The following EPCIP variants were observed in gnomAD, a reference collection of about 807,000 sequenced individuals.
The protein encoded by EPCIP is exosomal polycystin 1 interacting protein, also known as exosomal polycystin-1-interacting protein.
At chr21:32,802,222 G>A in the EPCIP span, among the ~76,000 whole-genome samples, 5 of 152,206 alleles carry the variant, frequency 3.3e-5, no homozygotes, top group South Asian at 1.0e-3. Flanking sequence ...ATTTATAAAG[G>A]CCATTCACAT....
At chr21:32,795,178 G>A in the EPCIP span, among the ~76,000 whole-genome samples, 1 of 152,098 alleles carries the variant, frequency 6.6e-6, no homozygotes, top group East Asian at 1.9e-4. Context: ...ATCACCCACC[G>A]ATTAATCACA....
the EPCIP span, chr21:32,794,321 A>AAGAT: frequency 1.9e-6 from 3 of 1,614,244 alleles, no homozygotes; most frequent in Non-Finnish European, 2.5e-6. Context: ...TTCCCTTGTG[A>AAGAT]AGATGAGCGT....
At chr21:32,806,135 A>G in the EPCIP span, among the ~76,000 whole-genome samples, 1 of 152,142 alleles carries the variant, frequency 6.6e-6, no homozygotes, top group Non-Finnish European at 1.5e-5. Flanking sequence ...AGTGCTTTTA[A>G]GAATTCTGAG....
At chr21:32,802,992 G>A in the EPCIP span, among the ~76,000 whole-genome samples, 8 of 152,278 alleles carry the variant, frequency 5.3e-5, no homozygotes, top group East Asian at 7.7e-4. Context: ...TGACAGCCAC[G>A]AGAAAAACAT....
chr21:32,809,308 C>CTTTCTT, the EPCIP span, among the ~76,000 whole-genome samples: 1 of 131,960 alleles, frequency 7.6e-6, no homozygotes, highest in Admixed American at 8.2e-5. Flanking sequence ...TTCTTTCTTT[C>CTTTCTT]TTTCTTTCTT....
At chr21:32,796,001 C>CA in the EPCIP span, among the ~76,000 whole-genome samples, 1 of 31,072 alleles carries the variant, frequency 3.2e-5, no homozygotes, top group Non-Finnish European at 8.7e-5. Flanking sequence ...TCCCTCCTTC[C>CA]CTCTTTCCTT....
the EPCIP span, among the ~76,000 whole-genome samples, chr21:32,801,088 G>A: frequency 7.9e-5 from 12 of 152,168 alleles, no homozygotes; most frequent in Admixed American, 2.6e-4. Flanking sequence ...AAGATTCCAC[G>A]AAGGAACCGA....
chr21:32,794,556 G>GA, the EPCIP span: 2 of 813,870 alleles, frequency 2.5e-6, no homozygotes, highest in Middle Eastern at 3.7e-4. Flanking sequence ...AGGAACCCCA[G>GA]AAAAAAACAA....
chr21:32,797,250 C>G, the EPCIP span: 2 of 276,556 alleles, frequency 7.2e-6, no homozygotes, highest in East Asian at 2.2e-4. Context: ...CTCCTTCAGT[C>G]TATCATGAAT....
At chr21:32,804,804 T>C in the EPCIP span, among the ~76,000 whole-genome samples, 516 of 152,348 alleles carry the variant, frequency 3.4e-3, 2 homozygotes, top group African/African-American at 0.012. Flanking sequence ...TGAGCTAGTC[T>C]GGAAAATAGA....
the EPCIP span, among the ~76,000 whole-genome samples, chr21:32,795,624 CAGGGAGCCACAGATGGA>C: frequency 1.2e-4 from 19 of 152,190 alleles, no homozygotes; most frequent in African/African-American, 4.1e-4. Flanking sequence ...CACTAAGGGC[CAGGGAGCCACAGATGGA>C]AGGGTCAGTC....
At chr21:32,791,481 T>C in the EPCIP span, 5 of 152,304 alleles carry the variant, frequency 3.3e-5, no homozygotes, top group African/African-American at 1.2e-4. Context: ...TTTTCACTTG[T>C]CTTTTCTTGC....
the EPCIP span, chr21:32,794,442 C>A: frequency 4.4e-6 from 7 of 1,597,354 alleles, no homozygotes; most frequent in African/African-American, 9.4e-5. Context: ...CATGGGCCAG[C>A]GTGTTTATCC....
the EPCIP span, among the ~76,000 whole-genome samples, chr21:32,804,489 C>T: frequency 6.6e-6 from 1 of 151,858 alleles, no homozygotes; most frequent in East Asian, 1.9e-4. Context: ...CTCATAAGTA[C>T]TCATAGGCAT....
chr21:32,802,918 A>G, the EPCIP span, among the ~76,000 whole-genome samples: 1 of 152,136 alleles, frequency 6.6e-6, no homozygotes, highest in Non-Finnish European at 1.5e-5. Context: ...TCGTTGTCTC[A>G]TTCTTAGCAT....
chr21:32,791,452 A>C, the EPCIP span: 1 of 152,174 alleles, frequency 6.6e-6, no homozygotes, highest in African/African-American at 2.4e-5. Context: ...AACTAATGAC[A>C]ATGAATATAT....
At chr21:32,810,759 T>C in the EPCIP span, 5 of 447,216 alleles carry the variant, frequency 1.1e-5, no homozygotes, top group Non-Finnish European at 1.8e-5. Flanking sequence ...GATAGCTCTT[T>C]CTGAATGTCT....
the EPCIP span, chr21:32,791,099 A>C: frequency 2.6e-5 from 4 of 152,254 alleles, no homozygotes; most frequent in African/African-American, 9.7e-5. Context: ...CAAACCCTGC[A>C]GCTAAGTGCC....
At chr21:32,813,179 A>G in the EPCIP span, among the ~76,000 whole-genome samples, 53 of 152,228 alleles carry the variant, frequency 3.5e-4, no homozygotes, top group African/African-American at 1.3e-3. Context: ...TCTTTTCCTT[A>G]ATTGTTATTT....
Sources: gnomAD v4.1 joint callset for allele counts (sites outside exome capture counted in the v4.1 genomes callset) on GRCh38, gnomAD v4.1.1 for gene constraint, MANE v1.5 for transcripts, NCBI Gene and HGNC (gene_info 2026-07-23, HGNC 2026-07-21) for gene names.